The following HTR4 variants were observed in gnomAD, a reference collection of about 807,000 sequenced individuals.
The protein encoded by HTR4 is 5-hydroxytryptamine receptor 4.
Under a neutral mutation model 36.8 loss-of-function variants are expected in HTR4, and 16 were observed. The ratio of observed to expected loss-of-function variants is 0.43; its 90% confidence interval spans 0.29 to 0.66. The LOEUF (loss-of-function observed/expected upper bound fraction) is 0.66. Ranked by LOEUF, HTR4 falls within the 30% of genes least tolerant of loss-of-function variation. The pLI is 0.13. For missense variants in HTR4, 438 were observed against 490.9 expected, an observed-to-expected ratio of 0.89 and a Z score of 1.02; for synonymous variants, 189 against 185.1, an observed-to-expected ratio of 1.02 and a Z score of -0.17.
At chr5:148,589,370 C>T (rs531102699) in intron 2 of HTR4, among the ~76,000 whole-genome samples, 53 of 152,242 alleles carry the variant, frequency 3.5e-4, no homozygotes, top group Middle Eastern at 3.4e-3. Context: ...ATTCTGCCAG[C>T]CCTTGTTGTC....
At chr5:148,576,734 C>A (rs1581499081) in intron 2 of HTR4, among the ~76,000 whole-genome samples, 1 of 152,020 alleles carries the variant, frequency 6.6e-6, no homozygotes, top group Admixed American at 6.6e-5. Flanking sequence ...ACTCCCTATT[C>A]AATAAAGGGT....
intron 2 of HTR4, among the ~76,000 whole-genome samples, chr5:148,590,287 C>CTTTTTTTTTTTTTTTTTTTTT (rs779077579): frequency 3.0e-5 from 1 of 33,320 alleles, no homozygotes; most frequent in Non-Finnish European, 5.3e-5. Context: ...TTTTTCTTTT[C>CTTTTTTTTTTTTTTTTTTTTT]TTTTTTTTTT....
chr5:148,483,795 T>C (rs1251617786), intron 6 of HTR4, among the ~76,000 whole-genome samples: 1 of 152,188 alleles, frequency 6.6e-6, no homozygotes, highest in African/African-American at 2.4e-5. Flanking sequence ...TTTCTATTAA[T>C]GTAGTCAAAT....
At chr5:148,490,721 C>T (rs1756377703) in intron 6 of HTR4, 3 of 1,258,328 alleles carry the variant, frequency 2.4e-6, no homozygotes, top group Admixed American at 2.6e-5. Flanking sequence ...ACTAGGAACT[C>T]CCTAGTAAGG....
intron 6 of HTR4, among the ~76,000 whole-genome samples, chr5:148,504,683 CA>C (rs1350148740): frequency 6.6e-6 from 1 of 151,904 alleles, no homozygotes; most frequent in Non-Finnish European, 1.5e-5. Flanking sequence ...AAAAACCCTT[CA>C]AAAAATCAAT....
At chr5:148,520,876 T>C (rs776153377) in intron 5 of HTR4, 2 of 1,367,398 alleles carry the variant, frequency 1.5e-6, no homozygotes, top group African/African-American at 1.5e-5. Context: ...CTCTTCTGCC[T>C]CCGGCATTTC....
At chr5:148,593,128 CT>C (rs1427015952) in intron 2 of HTR4, among the ~76,000 whole-genome samples, 1 of 152,130 alleles carries the variant, frequency 6.6e-6, no homozygotes, top group East Asian at 1.9e-4. Context: ...TCCTCTGATT[CT>C]GACTCAAAGC....
At chr5:148,621,638 T>C (rs1470134888) in intron 2 of HTR4, among the ~76,000 whole-genome samples, 1 of 152,228 alleles carries the variant, frequency 6.6e-6, no homozygotes, top group Non-Finnish European at 1.5e-5. Context: ...ACTTTGAATT[T>C]AGTTTATCTT....
At chr5:148,568,438 C>A (rs1409394559) in intron 2 of HTR4, among the ~76,000 whole-genome samples, 1 of 152,056 alleles carries the variant, frequency 6.6e-6, no homozygotes, top group Non-Finnish European at 1.5e-5. Context: ...TACTTATTTA[C>A]CATGCTTGGC....
chr5:148,510,775 G>T (rs1235181619), intron 5 of HTR4, among the ~76,000 whole-genome samples: 1 of 152,182 alleles, frequency 6.6e-6, no homozygotes, highest in Non-Finnish European at 1.5e-5. Context: ...CCTGATGAAG[G>T]TTTGTCTCAT....
rs1581561623 is a variant in HTR4, at chr5:148,624,405, G to A, written c.26+12584C>T. On this transcript the variant is annotated intron_variant, in intron 2 of 6. Coordinates refer to ENST00000377888, the MANE Select transcript of HTR4 (RefSeq NM_000870.7). Reference sequence around the variant, plus strand: ...CACCCCTTCATAGAGTGGTCATATGGAGCGCATGAGAAAATACTTGTGAAG... The same window carrying A: ...CACCCCTTCATAGAGTGGTCATATGAAGCGCATGAGAAAATACTTGTGAAG... Among the ~76,000 whole-genome samples, 3 of 152,260 alleles carry A rather than the reference G, an allele frequency of 2.0e-5. No individual in the cohort carries two copies. The South Asian group carries it at 6.2e-4, about 32-fold the overall frequency.
chr5:148,587,525 G>C (rs1761391642), intron 2 of HTR4, among the ~76,000 whole-genome samples: 1 of 152,160 alleles, frequency 6.6e-6, no homozygotes, highest in Non-Finnish European at 1.5e-5. Context: ...GATTCTGCCT[G>C]GGCTGAGCCC....
intron 2 of HTR4, among the ~76,000 whole-genome samples, chr5:148,616,552 TATA>T (rs1197700624): frequency 9.2e-5 from 14 of 152,338 alleles, no homozygotes; most frequent in African/African-American, 3.1e-4. Context: ...GCTGTGATAA[TATA>T]ATATTATTGA....
At chr5:148,634,138 C>T (rs900476445) in intron 2 of HTR4, among the ~76,000 whole-genome samples, 2 of 152,282 alleles carry the variant, frequency 1.3e-5, no homozygotes, top group Non-Finnish European at 2.9e-5. Context: ...CACTCTGTCT[C>T]TTGACATCTG....
chr5:148,488,846 C>T (rs958136181), intron 6 of HTR4, among the ~76,000 whole-genome samples: 1 of 152,142 alleles, frequency 6.6e-6, no homozygotes, highest in Admixed American at 6.6e-5. Flanking sequence ...AATCTCATCA[C>T]CAGTCTCAGA....
intron 5 of HTR4, chr5:148,461,916 C>G (rs1388895336): frequency 6.6e-6 from 1 of 152,030 alleles, no homozygotes; most frequent in Non-Finnish European, 1.5e-5. Flanking sequence ...TGTCTGCTCT[C>G]AGGCCACAGT....
At chr5:148,597,462 G>C (rs1455711894) in intron 2 of HTR4, among the ~76,000 whole-genome samples, 1 of 152,148 alleles carries the variant, frequency 6.6e-6, no homozygotes. Flanking sequence ...ACAAAGCCTT[G>C]AATGTAGCTA....
chr5:148,523,062 TAAA>T (rs551345699), intron 5 of HTR4, 128 bp downstream of exon 5: 5 of 714,666 alleles, frequency 7.0e-6, no homozygotes, highest in African/African-American at 3.9e-5. Context: ...GTGTTAGCTT[TAAA>T]AAAAAAAATT....
chr5:148,614,342 C>T (rs1462998450), intron 2 of HTR4, among the ~76,000 whole-genome samples: 1 of 151,940 alleles, frequency 6.6e-6, no homozygotes, highest in Admixed American at 6.6e-5. Context: ...AGATATAGAT[C>T]AATGGAACAG....
Sources: gnomAD v4.1 joint callset for allele counts (sites outside exome capture counted in the v4.1 genomes callset) on GRCh38, gnomAD v4.1.1 for gene constraint, MANE v1.5 for transcripts, NCBI Gene and HGNC (gene_info 2026-07-23, HGNC 2026-07-21) for gene names.